The following TMEM132D variants were observed in gnomAD, a reference collection of about 807,000 sequenced individuals.
The protein encoded by TMEM132D is mature OL transmembrane protein.
TMEM132D carries 21 observed loss-of-function variants against 62.3 expected under a neutral mutation model. The observed-to-expected ratio is 0.34, with a 90% confidence interval of 0.24 to 0.49. The LOEUF is 0.49. TMEM132D is among the 20% of genes least tolerant of loss of function. The pLI is 0.99. For missense variants in TMEM132D, 1,346 were observed against 1,402.8 expected, an observed-to-expected ratio of 0.96 and a Z score of 0.65; for synonymous variants, 621 against 575.6, an observed-to-expected ratio of 1.08 and a Z score of -1.13.
intron 3 of TMEM132D, among the ~76,000 whole-genome samples, chr12:129,513,806 T>TTATA (rs1474226107): frequency 9.7e-6 from 1 of 102,834 alleles, no homozygotes; most frequent in African/African-American, 4.1e-5. Context: ...ATTTTTATTT[T>TTATA]TATTTATTTA....
chr12:129,330,040 G>T (rs897397425), intron 4 of TMEM132D, among the ~76,000 whole-genome samples: 2 of 152,140 alleles, frequency 1.3e-5, no homozygotes, highest in African/African-American at 2.4e-5. Context: ...ATTTTCTACC[G>T]AATCACAGAT....
intron 1 of TMEM132D, among the ~76,000 whole-genome samples, chr12:129,734,251 G>C (rs1256400231): frequency 2.0e-5 from 3 of 152,160 alleles, no homozygotes; most frequent in South Asian, 2.1e-4. Flanking sequence ...CATGAACAAA[G>C]AGAACGTACT....
intron 2 of TMEM132D, among the ~76,000 whole-genome samples, chr12:129,674,582 T>C (rs996712064): frequency 1.6e-4 from 24 of 152,300 alleles, no homozygotes; most frequent in African/African-American, 5.8e-4. Context: ...AACAGTCACC[T>C]GGGCTGAAGT....
Position 129,430,780 on chromosome 12 carries a change from T to C in TMEM132D, c.1116-92963A>G, listed in dbSNP as rs75240770. ...TTCCCTGCGCCTCAGACTTCCCCAG[T>C]TGCCAATAATTGCAGTCGATGGGAT... is the stretch of plus-strand genomic sequence containing the variant. On this transcript the variant is annotated intron_variant, in intron 3 of 8. Transcript: ENST00000422113. 2.0e-3 allele frequency among the ~76,000 whole-genome samples: 306 copies of C among 152,314 alleles called. 11 individuals are homozygous for C. The East Asian group carries it at 0.054, about 27-fold the overall frequency.
At chr12:129,422,310 T>C (rs1395031947) in intron 3 of TMEM132D, among the ~76,000 whole-genome samples, 1 of 152,120 alleles carries the variant, frequency 6.6e-6, no homozygotes, top group East Asian at 1.9e-4. Context: ...ATGTCACAAA[T>C]ATTGCTTCTC....
At chr12:129,431,772 G>A (rs2135716451) in intron 3 of TMEM132D, among the ~76,000 whole-genome samples, 1 of 152,250 alleles carries the variant, frequency 6.6e-6, no homozygotes, top group East Asian at 1.9e-4. Context: ...TCCTGCTCAA[G>A]TCCCTATAAG....
intron 3 of TMEM132D, among the ~76,000 whole-genome samples, chr12:129,357,677 GAA>G (rs1870117497): frequency 1.4e-5 from 2 of 147,998 alleles, no homozygotes; most frequent in Admixed American, 1.3e-4. Flanking sequence ...AAGAGAGAAA[GAA>G]AGAGAGAGAG....
intron 4 of TMEM132D, among the ~76,000 whole-genome samples, chr12:129,235,552 G>A (rs375555713): frequency 1.3e-5 from 2 of 152,218 alleles, no homozygotes; most frequent in African/African-American, 4.8e-5. Context: ...TTTTGTGGCT[G>A]AGTAATATTT....
intron 3 of TMEM132D, among the ~76,000 whole-genome samples, chr12:129,423,175 T>A (rs1872381050): frequency 6.6e-6 from 1 of 152,106 alleles, no homozygotes; most frequent in African/African-American, 2.4e-5. Flanking sequence ...TGCACACACA[T>A]ACACACATAT....
At chr12:129,533,391 C>G (rs1468386323) in intron 2 of TMEM132D, among the ~76,000 whole-genome samples, 2 of 152,188 alleles carry the variant, frequency 1.3e-5, no homozygotes, top group South Asian at 2.1e-4. Flanking sequence ...AAGTACAATC[C>G]GCTGTGGACA....
intron 5 of TMEM132D, among the ~76,000 whole-genome samples, chr12:129,086,942 T>C (rs1874639697): frequency 6.6e-6 from 1 of 152,152 alleles, no homozygotes. Flanking sequence ...TTTTCCATAA[T>C]TAATTTTCCA....
chr12:129,392,728 C>T (rs1871320768), intron 3 of TMEM132D, among the ~76,000 whole-genome samples: 1 of 152,224 alleles, frequency 6.6e-6, no homozygotes, highest in African/African-American at 2.4e-5. Flanking sequence ...ACCCTCACCC[C>T]AGTGATTTTG....
At position 129,078,595 on chromosome 12, in the gene TMEM132D, C is replaced by T. The variant is rs1593252450; in HGVS notation, c.2054G>A (p.Gly685Glu). 2 of 1,614,046 alleles carry T rather than the reference C, an allele frequency of 1.2e-6. No individual in the cohort carries two copies. Among genetic ancestry groups the T allele is most frequent in the Admixed American group, 1.7e-5 (1 of 60,008 alleles). ...AGTGGCAAAGATGGCCCTGTTGCTT[C>T]CTGGGCTGAGCTGCAAGGAGAGTGA... ...GLSLSLQLSPGSNRAIFATAV... is the reference protein window; with the variant it reads ...GLSLSLQLSPESNRAIFATAV... Residue 685 changes from glycine to glutamate, a missense_variant, in exon 8 of 9, where the codon GGA becomes GAA. Coordinates refer to ENST00000422113, the MANE Select transcript of TMEM132D (RefSeq NM_133448.3).
At chr12:129,571,581 T>A (rs1484006) in intron 2 of TMEM132D, among the ~76,000 whole-genome samples, 43,294 of 151,106 alleles carry the variant, frequency 0.29, 6,723 homozygotes, top group Non-Finnish European at 0.34. Flanking sequence ...TCAAAAAAAA[T>A]AATAATAATA....
intron 5 of TMEM132D, among the ~76,000 whole-genome samples, chr12:129,100,886 G>A (rs1472370686): frequency 6.6e-6 from 1 of 152,190 alleles, no homozygotes; most frequent in Non-Finnish European, 1.5e-5. Flanking sequence ...AATCCTGGGG[G>A]GAGGCACTGA....
At position 129,193,112 on chromosome 12, in the gene TMEM132D, C is replaced by T. The variant is rs192231781; in HGVS notation, c.1443+16408G>A. Among the ~76,000 whole-genome samples, 1,208 of 145,788 alleles carry T rather than the reference C, an allele frequency of 8.3e-3. 17 individuals are homozygous for T. The highest frequency in any genetic ancestry group is 0.029 in the African/African-American group (1,119 of 39,032). Reference sequence around the variant, plus strand: ...GGCGGAGCTTGCAGTGAGCCGAGATCGTGCCACTGCACTCCAGCCTGGGTG... The same window carrying T: ...GGCGGAGCTTGCAGTGAGCCGAGATTGTGCCACTGCACTCCAGCCTGGGTG... On this transcript the variant is annotated intron_variant, in intron 5 of 8. Transcript: ENST00000422113.
At chr12:129,649,924 G>A (rs1024316086) in intron 2 of TMEM132D, among the ~76,000 whole-genome samples, 11 of 151,744 alleles carry the variant, frequency 7.2e-5, no homozygotes, top group Admixed American at 1.3e-4. Flanking sequence ...ACGTGTGTGT[G>A]TATGTTTATG....
intron 1 of TMEM132D, chr12:129,854,598 C>T (rs1471263926): frequency 6.6e-6 from 1 of 152,196 alleles, no homozygotes; most frequent in African/African-American, 2.4e-5. Flanking sequence ...GAGAACGGCC[C>T]ACCAGGAGAA....
intron 3 of TMEM132D, among the ~76,000 whole-genome samples, chr12:129,520,800 C>T (rs934673245): frequency 7.9e-5 from 12 of 152,188 alleles, no homozygotes; most frequent in Admixed American, 5.9e-4. Context: ...CAGACACTCA[C>T]GTGGTCTCAT....
Sources: allele counts gnomAD v4.1 joint callset (sites outside exome capture counted in the v4.1 genomes callset), GRCh38; gene constraint gnomAD v4.1.1; transcripts MANE v1.5; gene names NCBI Gene and HGNC (gene_info 2026-07-23, HGNC 2026-07-21).